Variants in CEP44 observed in about 807,000 individuals in gnomAD.
CEP44 encodes centrosomal protein 44, also known as centrosomal protein of 44 kDa.
In CEP44, 45 loss-of-function variants were observed where a neutral mutation model predicts 46.7. The ratio of observed to expected loss-of-function variants is 0.96; its 90% confidence interval spans 0.76 to 1.24. CEP44 has a LOEUF of 1.24. Among genes scored for constraint, CEP44 ranks in the 50% most tolerant of loss-of-function variants. The pLI is 0.00. For synonymous variants in CEP44, 142 were observed against 146.0 expected (o/e 0.97, Z 0.20); for missense variants, 475 against 459.7 (o/e 1.03, Z -0.30).
rs1169960100 is a variant in CEP44, at chr4:174,310,999, C to T, written c.961+141C>T. On this transcript the variant is annotated intron_variant, in intron 9 of 11. Coordinates refer to ENST00000503780, the MANE Select transcript of CEP44 (RefSeq NM_001040157.3). This position sits in a 1 kb window ranked among gnomAD's most constrained non-coding sequence, Gnocchi z 4.2. ...AAGAACATAATGAACCTACAGACTACTAAAGCCAAGAATTGCTTAACTAAC... is the reference window on the plus strand; with the variant it reads ...AAGAACATAATGAACCTACAGACTATTAAAGCCAAGAATTGCTTAACTAAC... The T allele has an allele frequency of 1.0e-5, 5 of 485,658 alleles. No homozygotes were observed. Among genetic ancestry groups the T allele is most frequent in the African/African-American group, 1.0e-4 (5 of 49,846 alleles). The allele number at this position is 485,658 out of a possible 1,614,324, so 30.1% of individuals were successfully genotyped here.
At position 174,312,925 on chromosome 4, in the gene CEP44, G is replaced by A. The variant is rs76026829; in HGVS notation, c.961+2067G>A. On this transcript the variant is annotated intron_variant, in intron 9 of 11. Transcript: ENST00000503780. The surrounding 1 kb of genome is among the most constrained non-coding windows in gnomAD (Gnocchi z 4.5). ...TTATCAGGAATACAGTGTTCCATGG[G>A]GAATTGTAAGGCACCTTAATGTCTT... 3.8e-3 allele frequency among the ~76,000 whole-genome samples: 584 copies of A among 152,192 alleles called. 3 individuals carry two copies. Among genetic ancestry groups the A allele is most frequent in the Middle Eastern group, 0.017 (5 of 294 alleles).
At chr4:174,305,313 G>A (rs1290515270) in intron 6 of CEP44, among the ~76,000 whole-genome samples, 1 of 152,082 alleles carries the variant, frequency 6.6e-6, no homozygotes, top group African/African-American at 2.4e-5. Flanking sequence ...AATTAGCTAG[G>A]CGTGGTAGCT....
rs754798130 is a variant in CEP44 at position 174,316,277 on chromosome 4, A to G, written c.1073A>G (p.Asn358Ser). 21 of 1,610,940 alleles carry G rather than the reference A, an allele frequency of 1.3e-5. No homozygotes were observed. The highest frequency in any genetic ancestry group is 3.3e-4 in the Middle Eastern group (2 of 6,074). The change falls in exon 10 of 12, where the codon AAT (asparagine) becomes AGT (serine). Residue 358 changes from asparagine (N) to serine (S), a missense_variant. Asn to Ser is a conservative substitution (Grantham distance 46). Coordinates refer to ENST00000503780, the MANE Select transcript of CEP44 (RefSeq NM_001040157.3). ...TCTACTGTTAATTACTGTGGTTTGAATGAGATTTCAGAGGTAAGAAAATGC... is the reference window on the plus strand; with the variant it reads ...TCTACTGTTAATTACTGTGGTTTGAGTGAGATTTCAGAGGTAAGAAAATGC... ...RASTVNYCGL[N>S]EISEETTIQK...
Position 174,319,237 on chromosome 4 carries a change from A to AT in CEP44, c.*1860dup. ...GAATTAATGAAGCATGTTAGCTTTA[A>AT]TTTTTTCAATTGTGAGAGAAGTACA... On this transcript the variant is annotated 3_prime_UTR_variant, in exon 12 of 12. Transcript: ENST00000503780. 4.1e-6 allele frequency: 4 copies of AT among 970,652 alleles called. No homozygotes were observed. Among genetic ancestry groups the AT allele is most frequent in the Non-Finnish European group, 4.9e-6 (4 of 816,518 alleles). 60.1% of individuals were successfully genotyped at this position (970,652 alleles called of 1,614,324 possible).
rs1199093183 is a variant in CEP44, at chr4:174,302,037, A to G, written c.90-2A>G. The G allele has an allele frequency of 6.3e-7, 1 of 1,583,084 alleles. No homozygotes were observed. The highest frequency in any genetic ancestry group is 2.3e-5 in the East Asian group (1 of 44,438). On this transcript the variant is annotated splice_acceptor_variant, in intron 3 of 11. Coordinates refer to ENST00000503780, the MANE Select transcript of CEP44 (RefSeq NM_001040157.3). LOFTEE classifies it high-confidence loss of function. ...AAAATATTTTTCTTTTTTTCCTAAC[A>G]GTTTGATAAAGGGAGACCCAGCAGC...
intron 6 of CEP44, among the ~76,000 whole-genome samples, chr4:174,307,719 A>G (rs576629705): frequency 6.6e-6 from 1 of 152,244 alleles, no homozygotes; most frequent in South Asian, 2.1e-4. Flanking sequence ...GTATCTGACA[A>G]AGGCCTAATA....
chr4:174,295,562 C>T (rs901344681), intron 1 of CEP44, among the ~76,000 whole-genome samples: 4 of 151,226 alleles, frequency 2.6e-5, no homozygotes, highest in African/African-American at 7.3e-5. Flanking sequence ...CAGGCAGAGA[C>T]GCTCCTCACT....
chr4:174,308,496 G>A (rs892728389), intron 6 of CEP44, among the ~76,000 whole-genome samples, 193 bp from the exon 7 acceptor site: 6 of 152,048 alleles, frequency 3.9e-5, no homozygotes, highest in Admixed American at 6.6e-5. Context: ...GGTAGGAGGA[G>A]GTTCAGGAAA....
At position 174,312,036 on chromosome 4, in the gene CEP44, C is replaced by T. The variant is rs897965931; in HGVS notation, c.961+1178C>T. ...AGTATAAGATCCTTGAGAGCAAAAACTTTATCTTATGGTCTGCCTGTCTAG... is the reference window on the plus strand; with the variant it reads ...AGTATAAGATCCTTGAGAGCAAAAATTTTATCTTATGGTCTGCCTGTCTAG... On this transcript the variant is annotated intron_variant, in intron 9 of 11. Transcript: ENST00000503780. This position sits in a 1 kb window ranked among gnomAD's most constrained non-coding sequence, Gnocchi z 4.5. 6.6e-6 allele frequency among the ~76,000 whole-genome samples: 1 copy of T among 152,154 alleles called. No homozygotes were observed. The highest frequency in any genetic ancestry group is 2.4e-5 in the African/African-American group (1 of 41,446).
Position 174,318,899 on chromosome 4 carries a change from T to A in CEP44, c.*1516T>A. 1 of 291,174 alleles carries A rather than the reference T, an allele frequency of 3.4e-6. No homozygotes were observed. The highest frequency in any genetic ancestry group is 5.1e-6 in the Non-Finnish European group (1 of 195,926). 18.0% of individuals were successfully genotyped at this position (291,174 alleles called of 1,614,324 possible). On this transcript the variant is annotated 3_prime_UTR_variant, in exon 12 of 12. Coordinates refer to ENST00000503780, the MANE Select transcript of CEP44 (RefSeq NM_001040157.3). ...ATCTCGGCTCACTGCACCTTCTGCC[T>A]ACCGAGTTCAAGCGATTCTTGTGCT...
chr4:174,292,968 T>C (rs1315016595), intron 1 of CEP44, among the ~76,000 whole-genome samples: 2 of 152,240 alleles, frequency 1.3e-5, no homozygotes, highest in Admixed American at 6.5e-5. Flanking sequence ...CATTGGTGTC[T>C]GTACATTTGA....
intron 1 of CEP44, among the ~76,000 whole-genome samples, chr4:174,296,741 A>G (rs1739064608): frequency 7.1e-6 from 1 of 140,128 alleles, no homozygotes; most frequent in African/African-American, 2.7e-5. Context: ...CAGTTGATAG[A>G]TGATATTGTT....
rs1741077492 is a variant in CEP44, at chr4:174,311,517, T to C, written c.961+659T>C. Among the ~76,000 whole-genome samples the C allele has an allele frequency of 6.6e-6, 1 of 152,084 alleles. No homozygotes were observed. Among genetic ancestry groups the C allele is most frequent in the Non-Finnish European group, 1.5e-5 (1 of 67,958 alleles). On this transcript the variant is annotated intron_variant, in intron 9 of 11. Coordinates refer to ENST00000503780, the MANE Select transcript of CEP44 (RefSeq NM_001040157.3). The surrounding 1 kb of genome is among the most constrained non-coding windows in gnomAD (Gnocchi z 4.4). ...GTTTTGTCCAATTGAGAATTCATCG[T>C]TAAGTTAAATTTTTAATATCTGTGG...
downstream of CEP44, among the ~76,000 whole-genome samples, chr4:174,323,508 G>A (rs1213699584): frequency 6.6e-6 from 1 of 152,050 alleles, no homozygotes; most frequent in Admixed American, 6.6e-5. Flanking sequence ...GAGTTTTGCA[G>A]TGGAGAAAAG....
chr4:174,321,403 T>C (rs1015017927), downstream of CEP44, among the ~76,000 whole-genome samples: 9 of 152,164 alleles, frequency 5.9e-5, no homozygotes, highest in Non-Finnish European at 1.2e-4. Flanking sequence ...TGATTTTTTT[T>C]CCTCAGTCAA....
chr4:174,303,279 A>G (rs201431760), intron 4 of CEP44, among the ~76,000 whole-genome samples: 1 of 128,712 alleles, frequency 7.8e-6, no homozygotes, highest in Non-Finnish European at 1.7e-5. Flanking sequence ...TTTTCATTTT[A>G]CAAATGAAAA....
rs186580973 is a variant in CEP44 at position 174,301,982 on chromosome 4, T to C, written c.90-57T>C. The C allele has an allele frequency of 1.4e-6, 2 of 1,444,208 alleles. No individual in the cohort carries two copies. Among genetic ancestry groups the C allele is most frequent in the African/African-American group, 2.9e-5 (2 of 69,140 alleles). The allele number at this position is 1,444,208 out of a possible 1,614,324, so 89.5% of individuals were successfully genotyped here. A position where few individuals can be genotyped will look rare whatever the true frequency, so the allele number is the denominator to read the frequency against. On this transcript the variant is annotated intron_variant, in intron 3 of 11. Transcript: ENST00000503780. This position sits in a 1 kb window ranked among gnomAD's most constrained non-coding sequence, Gnocchi z 4.3. ...TAATATTTTCTTGATTATCCAACTT[T>C]GTGGAATTATGCTTATTAAATGCTT...
intron 11 of CEP44, among the ~76,000 whole-genome samples, 168 bp from the exon 12 acceptor site, chr4:174,317,167 C>G (rs1440047111): frequency 1.3e-5 from 2 of 151,984 alleles, no homozygotes; most frequent in Non-Finnish European, 2.9e-5. Flanking sequence ...ATCGACTCCT[C>G]TTTGTCTTCC....
rs971444140 is a variant in CEP44 at position 174,312,958 on chromosome 4, G to A, written c.961+2100G>A. Among the ~76,000 whole-genome samples, 1 of 152,150 alleles carries A rather than the reference G, an allele frequency of 6.6e-6. No individual in the cohort carries two copies. The highest frequency in any genetic ancestry group is 6.5e-5 in the Admixed American group (1 of 15,274). On this transcript the variant is annotated intron_variant, in intron 9 of 11. Coordinates refer to ENST00000503780, the MANE Select transcript of CEP44 (RefSeq NM_001040157.3). The surrounding 1 kb of genome is among the most constrained non-coding windows in gnomAD (Gnocchi z 4.5). The stretch of plus-strand genomic sequence containing the variant: ...AAGGCACCTTAATGTCTTGGTAAGA[G>A]TGAATTAGCAGAGGCTTTTAGGGAT...
Sources: allele counts gnomAD v4.1 joint callset (sites outside exome capture counted in the v4.1 genomes callset), GRCh38; gene constraint gnomAD v4.1.1; non-coding constraint Gnocchi (gnomAD v3.1); transcripts MANE v1.5; gene names NCBI Gene and HGNC (gene_info 2026-07-23, HGNC 2026-07-21).